Variants in MAST3 observed in about 807,000 individuals in gnomAD.
MAST3 encodes the protein microtubule associated serine/threonine kinase 3.
A neutral mutation model predicts 127.0 loss-of-function variants in MAST3; 43 were observed. That is an observed-to-expected ratio of 0.34 (90% CI 0.27 to 0.44). The LOEUF is 0.44. Ranked by LOEUF, MAST3 falls within the 20% of genes least tolerant of loss-of-function variation. The pLI is 1.00. For missense variants in MAST3, 1,390 were observed against 1,919.1 expected (o/e 0.72, Z 5.15); for synonymous variants, 785 against 809.2 (o/e 0.97, Z 0.51).
chr19:18,102,251 G>A (rs996482072), intron 1 of MAST3, among the ~76,000 whole-genome samples: 4 of 150,784 alleles, frequency 2.7e-5, no homozygotes, highest in African/African-American at 9.8e-5. Context: ...CACGATCTCG[G>A]CTCACCGCAA....
intron 17 of MAST3, 63 bp from the exon 18 acceptor site, chr19:18,135,677 A>G: frequency 2.5e-6 from 3 of 1,194,524 alleles, no homozygotes; most frequent in Non-Finnish European, 3.6e-6. Flanking sequence ...GGTGGATGGT[A>G]CTAGAAAGGG....
intron 20 of MAST3, among the ~76,000 whole-genome samples, chr19:18,141,598 C>G (rs553692495): frequency 1.3e-5 from 2 of 151,996 alleles, no homozygotes; most frequent in South Asian, 4.2e-4. Flanking sequence ...GTCTTGAACG[C>G]CTGACCTCAA....
chr19:18,149,636 G>A lies in MAST3; in HGVS notation c.3954G>A (p.Glu1318=). The A allele has an allele frequency of 6.2e-7, 1 of 1,613,280 alleles. No individual in the cohort carries two copies. The highest frequency in any genetic ancestry group is 8.5e-7 in the Non-Finnish European group (1 of 1,179,888). ...QEVSFDEPQE[E]ATGLPTSVPQ... The stretch of plus-strand genomic sequence containing the variant: ...TTAGCTTCGATGAGCCGCAGGAGGA[G>A]GCCACTGGGCTGCCCACCTCAGTGC... The change falls in exon 28 of 28, where the codon GAG becomes GAA. Residue 1318 remains glutamate, a synonymous_variant. Coordinates refer to ENST00000687212, the MANE Select transcript of MAST3 (RefSeq NM_001393504.1). This position sits in a 1 kb window ranked among gnomAD's most constrained non-coding sequence, Gnocchi z 5.9.
At chr19:18,128,304 A>G in intron 11 of MAST3, 96 bp from the exon 12 acceptor site, 4 of 972,098 alleles carry the variant, frequency 4.1e-6, no homozygotes, top group Non-Finnish European at 6.2e-6. Flanking sequence ...CTGCATCCCC[A>G]GCCTGGGGTG....
intron 19 of MAST3, among the ~76,000 whole-genome samples, chr19:18,138,642 C>T (rs484839): frequency 0.94 from 143,005 of 152,258 alleles, 67,183 homozygotes; most frequent in East Asian, 0.96. Context: ...GGATTACAGG[C>T]GCTTACCACT....
At position 18,145,945 on chromosome 19, in the gene MAST3, G is replaced by A. The variant is rs1280424949; in HGVS notation, c.3162+80G>A. ...CTCCCGGTTCCCCGTGGTTCTCCGC[G>A]TCCAGACACACAACCCCACATTCAA... On this transcript the variant is annotated intron_variant, in intron 25 of 27. Coordinates refer to ENST00000687212, the MANE Select transcript of MAST3 (RefSeq NM_001393504.1). This position sits in a 1 kb window ranked among gnomAD's most constrained non-coding sequence, Gnocchi z 5.9. The A allele has an allele frequency of 1.1e-5, 16 of 1,463,582 alleles. No individual in the cohort carries two copies. The highest frequency in any genetic ancestry group is 5.7e-5 in the Admixed American group (2 of 35,040). 90.7% of individuals were successfully genotyped at this position (1,463,582 alleles called of 1,614,324 possible).
chr19:18,113,619 C>T (rs1344124294), intron 3 of MAST3, among the ~76,000 whole-genome samples: 1 of 152,190 alleles, frequency 6.6e-6, no homozygotes, highest in East Asian at 1.9e-4. Context: ...TGCCACCACT[C>T]CTGGCTAATT....
At position 18,144,321 on chromosome 19, in the gene MAST3, G is replaced by C. The variant is rs1014975422; in HGVS notation, c.2585-145G>C. 38 of 765,694 alleles carry C rather than the reference G, an allele frequency of 5.0e-5. No homozygotes were observed. The highest frequency in any genetic ancestry group is 7.8e-5 in the Non-Finnish European group (37 of 475,906). The allele number at this position is 765,694 out of a possible 1,614,324, so 47.4% of individuals were successfully genotyped here. On this transcript the variant is annotated intron_variant, in intron 22 of 27. Coordinates refer to ENST00000687212, the MANE Select transcript of MAST3 (RefSeq NM_001393504.1). This position sits in a 1 kb window ranked among gnomAD's most constrained non-coding sequence, Gnocchi z 4.0. ...TTTTGCATAGAGAATAATTTGGGAA[G>C]GGAGTGCAGGAAGAGGGAACTGCAT...
rs1159205899 is a variant in MAST3 at position 18,144,558 on chromosome 19, C to T, written c.2677C>T (p.Arg893Cys). The part of the protein sequence containing the change: ...TPRPLDAGRG[R>C]RLGGPRDPAP... ...AAGGCCTCTGGATGCCGGCCGGGGCCGCCGCCTTGGGGGCCCAAGAGACCC... is the reference window on the plus strand; with the variant it reads ...AAGGCCTCTGGATGCCGGCCGGGGCTGCCGCCTTGGGGGCCCAAGAGACCC... Residue 893 changes from arginine (R) to cysteine (C), a missense_variant, in exon 23 of 28, where the codon CGC (arginine) becomes TGC (cysteine). Physicochemically the swap from Arg to Cys is radical, Grantham distance 180. Around this residue, in one of 5 missense-constraint regions of MAST3, gnomAD observed 816 missense variants for 934.1 expected, o/e 0.87. Transcript: ENST00000687212. This position sits in a 1 kb window ranked among gnomAD's most constrained non-coding sequence, Gnocchi z 4.0. 7 of 1,609,788 alleles carry T rather than the reference C, an allele frequency of 4.3e-6. No homozygotes were observed. The highest frequency in any genetic ancestry group is 1.3e-5 in the African/African-American group (1 of 74,896).
At chr19:18,117,143 C>CT (rs1392558786) in intron 3 of MAST3, among the ~76,000 whole-genome samples, 1 of 152,044 alleles carries the variant, frequency 6.6e-6, no homozygotes, top group African/African-American at 2.4e-5. Context: ...GTTCCAGGCT[C>CT]TGTGTCTCAG....
At chr19:18,146,541 A>T (rs1568614079) in intron 25 of MAST3, among the ~76,000 whole-genome samples, 1 of 152,016 alleles carries the variant, frequency 6.6e-6, no homozygotes, top group Non-Finnish European at 1.5e-5. Context: ...CTAATGACTC[A>T]TGGGCCATTA....
In MAST3 at chr19:18,122,659, G is replaced by A. The variant is rs555239224; in HGVS notation, c.321-14G>A. On this transcript the variant is annotated splice_polypyrimidine_tract_variant and intron_variant, in intron 5 of 27. Transcript: ENST00000687212. ...CCAGGCCTTCCTTCCATCTGTTCTT[G>A]TTCCCCTCTCCAGGGCAGACGGCAG... The A allele has an allele frequency of 8.1e-6, 13 of 1,610,380 alleles. No individual in the cohort carries two copies. In the African/African-American group the frequency reaches 1.2e-4, roughly 15 times the overall value.
At chr19:18,141,770 G>C (rs1371169843) in intron 20 of MAST3, 112 bp from the exon 21 acceptor site, 1 of 787,124 alleles carries the variant, frequency 1.3e-6, no homozygotes, top group Non-Finnish European at 1.8e-6. Context: ...TGCCCAGGCT[G>C]GTCTCAAACT....
At position 18,149,464 on chromosome 19, in the gene MAST3, C is replaced by T. The variant is rs2043367659; in HGVS notation, c.3782C>T (p.Ser1261Leu). 6.5e-7 allele frequency: 1 copy of T among 1,538,706 alleles called. No homozygotes were observed. Among genetic ancestry groups the T allele is most frequent in the Non-Finnish European group, 8.7e-7 (1 of 1,143,010 alleles). ...TCCCCGCGGCTGCGCCGGGGCCAGT[C>T]AGCTGACAAGCTGGGCACAGGGGAG... is the stretch of plus-strand genomic sequence containing the variant. ...ARSPRLRRGQ[S>L]ADKLGTGERL... The change falls in exon 28 of 28, where the codon TCA becomes TTA. Residue 1261 changes from serine (S) to leucine (L), a missense_variant. This residue lies in a region of MAST3 where 816 missense variants were observed against 934.1 expected (regional missense o/e 0.87). Transcript: ENST00000687212. The surrounding 1 kb of genome is among the most constrained non-coding windows in gnomAD (Gnocchi z 5.9).
Position 18,151,411 on chromosome 19 carries a change from C to G in MAST3, c.*1685C>G, listed in dbSNP as rs556057257. ...AGTCGTGGCAGAACGGAGCATCAGC[C>G]AGACCCTGTTGTGGGCGTTGTCATC... is the stretch of plus-strand genomic sequence containing the variant. On this transcript the variant is annotated 3_prime_UTR_variant, in exon 28 of 28. Transcript: ENST00000687212. 8.5e-5 allele frequency: 13 copies of G among 152,336 alleles called. No homozygotes were observed. The highest frequency in any genetic ancestry group is 3.1e-4 in the African/African-American group (13 of 41,584). 9.4% of individuals were successfully genotyped at this position (152,336 alleles called of 1,614,324 possible). A position where few individuals can be genotyped will look rare whatever the true frequency, so the allele number is the denominator to read the frequency against.
intron 7 of MAST3, 79 bp from the exon 8 acceptor site, chr19:18,123,501 C>G: frequency 6.8e-7 from 1 of 1,469,814 alleles, no homozygotes; most frequent in Non-Finnish European, 9.1e-7. Context: ...TGTCCCTCAA[C>G]CCTGGCTCAG....
rs574707677 is a variant in MAST3 at position 18,110,774 on chromosome 19, C to G, written c.161+33C>G. The G allele has an allele frequency of 1.2e-3, 1,196 of 958,582 alleles. No individual in the cohort carries two copies. Among genetic ancestry groups the G allele is most frequent in the Non-Finnish European group, 1.4e-3 (1,155 of 805,120 alleles). 59.4% of individuals were successfully genotyped at this position (958,582 alleles called of 1,614,324 possible). A position where few individuals can be genotyped will look rare whatever the true frequency, so the allele number is the denominator to read the frequency against. ...ACAGCGCGTGTGGGCGGGGCGCAGA[C>G]ATCGCCCTGGCACCCCAGAGCCTTG... On this transcript the variant is annotated intron_variant, in intron 3 of 27. Coordinates refer to ENST00000687212, the MANE Select transcript of MAST3 (RefSeq NM_001393504.1). The surrounding 1 kb of genome is among the most constrained non-coding windows in gnomAD (Gnocchi z 4.3).
At chr19:18,132,153 A>G in intron 15 of MAST3, 106 bp downstream of exon 15, 1 of 1,455,136 alleles carries the variant, frequency 6.9e-7, no homozygotes. Flanking sequence ...GCATCCCGGG[A>G]CCCTTCAGGA....
At chr19:18,141,647 A>G (rs911594524) in intron 20 of MAST3, among the ~76,000 whole-genome samples, 2 of 151,898 alleles carry the variant, frequency 1.3e-5, no homozygotes, top group African/African-American at 4.8e-5. Flanking sequence ...TGGTGGGATT[A>G]CAGGCATAAG....
Sources: gnomAD v4.1 joint callset for allele counts (sites outside exome capture counted in the v4.1 genomes callset) on GRCh38, gnomAD v4.1.1 for gene constraint, gnomAD v4.1.1 regional missense constraint, Gnocchi (gnomAD v3.1) non-coding constraint, MANE v1.5 for transcripts, NCBI Gene and HGNC (gene_info 2026-07-23, HGNC 2026-07-21) for gene names.